ZNF487: variants seen among roughly 807,000 people sequenced by gnomAD.
ZNF487 encodes KRAB domain only 1.
A neutral mutation model predicts 3.0 loss-of-function variants in ZNF487; 4 were observed. The observed-to-expected ratio is 1.35, with a 90% CI of 0.66 to 3.08. The LOEUF (loss-of-function observed/expected upper bound fraction) is 3.08, where lower values mean the gene tolerates loss of function less well. ZNF487 is among the 30% of genes most tolerant of loss of function. The probability of loss-of-function intolerance (pLI) is 0.01; values close to 1 mark genes in which losing one functional copy is unlikely to be tolerated. For missense variants in ZNF487, 146 were observed against 98.7 expected, an observed-to-expected ratio of 1.48 and a Z score of -2.03; for synonymous variants, 55 against 34.6, an observed-to-expected ratio of 1.59 and a Z score of -2.06.
intron 1 of ZNF487, among the ~76,000 whole-genome samples, chr10:43,442,590 C>T (rs1839656140): frequency 6.6e-6 from 1 of 152,106 alleles, no homozygotes. Context: ...ACTACAGGCG[C>T]CTGCCACTGC....
chr10:43,473,032 C>T (rs1054726765), intron 1 of ZNF487, among the ~76,000 whole-genome samples: 15 of 116,880 alleles, frequency 1.3e-4, no homozygotes, highest in South Asian at 1.1e-3. Flanking sequence ...TGTGACAAAG[C>T]GAGACTCTGT....
chr10:43,480,590 A>G lies in ZNF487; in HGVS notation c.131-839A>G, dbSNP rs932698461. On this transcript the variant is annotated intron_variant, in intron 3 of 3. Coordinates refer to ENST00000437590, the MANE Select transcript of ZNF487 (RefSeq NM_001355444.3). ...ACCACCACACCTGGCTAATTTTTGT[A>G]TTTTTAGTAGAGATGGGGTTTTGCC... Among the ~76,000 whole-genome samples, 4 of 151,208 alleles carry G rather than the reference A, an allele frequency of 2.6e-5. No individual in the cohort carries two copies. In the East Asian group the frequency reaches 7.8e-4, roughly 29 times the overall value.
the ZNF487 span, among the ~76,000 whole-genome samples, chr10:43,513,275 C>T: frequency 3.9e-5 from 6 of 152,332 alleles, no homozygotes; most frequent in East Asian, 1.2e-3. Context: ...AGGCAAATTG[C>T]TTTTGGTGGG....
At chr10:43,460,299 C>G (rs938793587) in intron 1 of ZNF487, among the ~76,000 whole-genome samples, 1 of 151,466 alleles carries the variant, frequency 6.6e-6, no homozygotes, top group African/African-American at 2.4e-5. Flanking sequence ...GTTGCTTTAT[C>G]CTTTTAAAAT....
the ZNF487 span, among the ~76,000 whole-genome samples, chr10:43,519,656 C>A: frequency 5.3e-4 from 81 of 152,140 alleles, no homozygotes; most frequent in Middle Eastern, 6.8e-3. Flanking sequence ...TTAGTAGAAA[C>A]GGAGTTTTAC....
intron 1 of ZNF487, among the ~76,000 whole-genome samples, chr10:43,445,167 T>G (rs1463134258): frequency 6.6e-6 from 1 of 151,992 alleles, no homozygotes; most frequent in Non-Finnish European, 1.5e-5. Flanking sequence ...TTTTTTTTTT[T>G]CTTTAGAGAC....
Position 43,481,736 on chromosome 10 carries a change from T to C in ZNF487, c.438T>C (p.Tyr146=), listed in dbSNP as rs982169503. Residue 146 remains tyrosine (Y), a synonymous_variant, in exon 4 of 4, where the codon TAT becomes TAC. Coordinates refer to ENST00000437590, the MANE Select transcript of ZNF487 (RefSeq NM_001355444.3). ...FLLCMKRENP[Y]ARGKPLEYDG... Reference sequence around the variant, plus strand: ...TCTGTATGAAGCGTGAGAATCCTTATGCCAGAGGGAAACCTTTGGAATATG... The same window carrying C: ...TCTGTATGAAGCGTGAGAATCCTTACGCCAGAGGGAAACCTTTGGAATATG... 7 of 716,424 alleles carry C rather than the reference T, an allele frequency of 9.8e-6. No individual in the cohort carries two copies. Among genetic ancestry groups the C allele is most frequent in the Admixed American group, 8.0e-5 (4 of 49,990 alleles). 44.4% of individuals were successfully genotyped at this position (716,424 alleles called of 1,614,324 possible).
chr10:43,516,463 G>A, the ZNF487 span, among the ~76,000 whole-genome samples: 1 of 152,216 alleles, frequency 6.6e-6, no homozygotes, highest in African/African-American at 2.4e-5. Flanking sequence ...AACTCTAATG[G>A]AATATGTGTA....
At chr10:43,456,386 G>A (rs1840203005) in intron 1 of ZNF487, among the ~76,000 whole-genome samples, 2 of 152,082 alleles carry the variant, frequency 1.3e-5, no homozygotes, top group Admixed American at 6.6e-5. Flanking sequence ...GCCCATATTT[G>A]CACGGAGAGG....
the ZNF487 span, among the ~76,000 whole-genome samples, chr10:43,495,766 A>G: frequency 1.3e-5 from 2 of 152,192 alleles, no homozygotes; most frequent in South Asian, 4.1e-4. Context: ...TCCCCAGAAC[A>G]TAAGACAGTT....
At chr10:43,441,421 G>A (rs1405554324) in intron 1 of ZNF487, among the ~76,000 whole-genome samples, 6 of 151,704 alleles carry the variant, frequency 4.0e-5, no homozygotes, top group Non-Finnish European at 5.9e-5. Context: ...ACCTGCCACC[G>A]GGCCCGGCTA....
At chr10:43,509,918 T>A in the ZNF487 span, among the ~76,000 whole-genome samples, 1 of 152,298 alleles carries the variant, frequency 6.6e-6, no homozygotes, top group East Asian at 1.9e-4. Flanking sequence ...ACACATCTCC[T>A]GAGATCATAT....
the ZNF487 span, among the ~76,000 whole-genome samples, chr10:43,499,498 C>T: frequency 6.6e-6 from 1 of 152,078 alleles, no homozygotes; most frequent in African/African-American, 2.4e-5. Context: ...CTCACTCAAG[C>T]CTTGACCTTC....
the ZNF487 span, among the ~76,000 whole-genome samples, chr10:43,501,340 A>G: frequency 6.6e-6 from 1 of 152,204 alleles, no homozygotes; most frequent in Non-Finnish European, 1.5e-5. Context: ...ACACTACTGT[A>G]GGCTTTATAA....
At chr10:43,520,423 G>A in the ZNF487 span, among the ~76,000 whole-genome samples, 1 of 152,122 alleles carries the variant, frequency 6.6e-6, no homozygotes, top group African/African-American at 2.4e-5. Context: ...AGAAGTTTAA[G>A]GTTTGTGTTT....
At chr10:43,510,190 GTCC>G in the ZNF487 span, among the ~76,000 whole-genome samples, 1 of 152,170 alleles carries the variant, frequency 6.6e-6, no homozygotes, top group African/African-American at 2.4e-5. Context: ...GACAATTACA[GTCC>G]TCGTTTCTGC....
At chr10:43,487,914 G>A (rs931988080), downstream of ZNF487, among the ~76,000 whole-genome samples, 7 of 97,724 alleles carry the variant, frequency 7.2e-5, no homozygotes, top group African/African-American at 1.3e-4. Flanking sequence ...GCAAAACTCC[G>A]CCTCTACCAA....
At chr10:43,481,366 GTC>G in intron 3 of ZNF487, 61 bp from the exon 4 acceptor site, 1 of 649,474 alleles carries the variant, frequency 1.5e-6, no homozygotes, top group Non-Finnish European at 2.8e-6. Context: ...ATGTGAATAT[GTC>G]TCTTTTTCAT....
chr10:43,512,025 C>T, the ZNF487 span, among the ~76,000 whole-genome samples: 1 of 152,252 alleles, frequency 6.6e-6, no homozygotes, highest in Non-Finnish European at 1.5e-5. Flanking sequence ...ATTTCTCCTT[C>T]CATGTAAAGT....
Sources: allele counts gnomAD v4.1 joint callset (sites outside exome capture counted in the v4.1 genomes callset), GRCh38; gene constraint gnomAD v4.1.1; transcripts MANE v1.5; gene names NCBI Gene and HGNC (gene_info 2026-07-23, HGNC 2026-07-21).